Variants in FYN observed in about 807,000 individuals in gnomAD.
FYN encodes the protein FYN proto-oncogene, Src family tyrosine kinase, also known as tyrosine-protein kinase Fyn.
Under a neutral mutation model 70.2 loss-of-function variants are expected in FYN, and 10 were observed. The observed-to-expected ratio is 0.14, with a 90% confidence interval of 0.09 to 0.24. FYN has a LOEUF of 0.24. Ranked by LOEUF, FYN falls within the 10% of genes least tolerant of loss-of-function variation. The pLI is 1.00. For missense variants in FYN, 319 were observed against 673.1 expected, an observed-to-expected ratio of 0.47 and a Z score of 5.82; for synonymous variants, 236 against 248.6, an observed-to-expected ratio of 0.95 and a Z score of 0.48.
intron 13 of FYN, among the ~76,000 whole-genome samples, chr6:111,664,139 T>G (rs1024983443): frequency 6.6e-6 from 1 of 152,180 alleles, no homozygotes; most frequent in Non-Finnish European, 1.5e-5. Flanking sequence ...ACTGGCACTC[T>G]CCAAAGCATT....
chr6:111,856,849 G>T (rs1279304385), intron 1 of FYN, among the ~76,000 whole-genome samples: 1 of 151,972 alleles, frequency 6.6e-6, no homozygotes, highest in African/African-American at 2.4e-5. Context: ...ATCCAAACAG[G>T]CAACTCCGCA....
chr6:111,864,995 T>A (rs558602279), intron 1 of FYN, among the ~76,000 whole-genome samples: 1 of 152,198 alleles, frequency 6.6e-6, no homozygotes. Context: ...CTATTATTTC[T>A]ATGGTGTATT....
At position 111,860,686 on chromosome 6, in the gene FYN, C is replaced by T. The variant is rs575395147; in HGVS notation, c.-123+12282G>A. 2.0e-5 allele frequency among the ~76,000 whole-genome samples: 3 copies of T among 152,298 alleles called. No homozygotes were observed. The South Asian group carries it at 6.2e-4, about 32-fold the overall frequency. On this transcript the variant is annotated intron_variant, in intron 1 of 13. Coordinates refer to ENST00000354650, the MANE Select transcript of FYN (RefSeq NM_002037.5). ...CAAATAAATTAACCAGAACCTGTCC[C>T]TTTCCCAGGAGCTGCTGGCACCCAT...
At chr6:111,852,209 C>T (rs1042724768) in intron 1 of FYN, among the ~76,000 whole-genome samples, 22 of 152,298 alleles carry the variant, frequency 1.4e-4, no homozygotes, top group Admixed American at 8.5e-4. Context: ...CAGGGTAACA[C>T]GTTCCCTTAT....
intron 3 of FYN, 64 bp from the exon 4 acceptor site, chr6:111,720,126 A>G (rs1800862012): frequency 2.6e-6 from 4 of 1,518,270 alleles, no homozygotes; most frequent in Admixed American, 2.1e-5. Flanking sequence ...GTTGCTCTAC[A>G]GTAAACGAGG....
intron 13 of FYN, among the ~76,000 whole-genome samples, chr6:111,669,909 TCATGGAGGCAAGCAGAAGGAGCACCC>T (rs1798192213): frequency 6.6e-6 from 1 of 151,688 alleles, no homozygotes; most frequent in Non-Finnish European, 1.5e-5. Context: ...ATGCTAGGTG[TCATGGAGGCAAGCAGAAGGAGCACCC>T]CATTTGGTCT....
intron 3 of FYN, among the ~76,000 whole-genome samples, chr6:111,720,340 G>A (rs181717022): frequency 1.1e-3 from 175 of 152,204 alleles, no homozygotes; most frequent in Non-Finnish European, 1.9e-3. Context: ...CCTGTATCTC[G>A]TAAAATTCTG....
chr6:111,705,473 C>T (rs999731117), intron 6 of FYN, among the ~76,000 whole-genome samples: 2 of 151,500 alleles, frequency 1.3e-5, no homozygotes, highest in African/African-American at 4.9e-5. Flanking sequence ...GCAGCCTTGA[C>T]CTCTCCAGGC....
At chr6:111,684,074 A>G (rs1446451265) in intron 12 of FYN, among the ~76,000 whole-genome samples, 1 of 152,178 alleles carries the variant, frequency 6.6e-6, no homozygotes, top group African/African-American at 2.4e-5. Context: ...TTTGAAAAGT[A>G]TATGTTACAA....
At chr6:111,764,702 T>C (rs1381153107) in intron 3 of FYN, among the ~76,000 whole-genome samples, 1 of 152,148 alleles carries the variant, frequency 6.6e-6, no homozygotes, top group African/African-American at 2.4e-5. Flanking sequence ...ACTTATCAAC[T>C]GTCTTAACTC....
intron 2 of FYN, among the ~76,000 whole-genome samples, chr6:111,830,915 G>A (rs1421103750): frequency 6.6e-6 from 1 of 152,100 alleles, no homozygotes; most frequent in Non-Finnish European, 1.5e-5. Flanking sequence ...TGTAGACATT[G>A]TAGACACTGT....
chr6:111,824,185 G>T (rs1239709767), intron 2 of FYN, among the ~76,000 whole-genome samples: 1 of 152,198 alleles, frequency 6.6e-6, no homozygotes, highest in African/African-American at 2.4e-5. Context: ...TGCAAGATGT[G>T]AAGAATGCAT....
intron 2 of FYN, among the ~76,000 whole-genome samples, chr6:111,801,242 G>C (rs1464422782): frequency 6.6e-6 from 1 of 152,230 alleles, no homozygotes; most frequent in Non-Finnish European, 1.5e-5. Context: ...TTCTGGCTCA[G>C]TGGTCACTTC....
intron 1 of FYN, among the ~76,000 whole-genome samples, chr6:111,859,568 T>C (rs1326680763): frequency 6.6e-6 from 1 of 152,232 alleles, no homozygotes; most frequent in Non-Finnish European, 1.5e-5. Flanking sequence ...TGAACTTCTT[T>C]CTTCTTACAT....
chr6:111,677,990 G>A (rs1002363588), intron 12 of FYN, among the ~76,000 whole-genome samples: 2 of 152,042 alleles, frequency 1.3e-5, no homozygotes, highest in African/African-American at 4.8e-5. Context: ...AACACTTACT[G>A]TACTTGTTCC....
chr6:111,693,107 G>A (rs762527420), intron 12 of FYN, among the ~76,000 whole-genome samples: 1 of 152,202 alleles, frequency 6.6e-6, no homozygotes, highest in Non-Finnish European at 1.5e-5. Context: ...AGCAGCCAGG[G>A]TCTTAGTTTA....
intron 8 of FYN, chr6:111,702,476 C>T (rs1799884225): frequency 6.4e-6 from 1 of 156,856 alleles, no homozygotes; most frequent in South Asian, 2.1e-4. Flanking sequence ...GCTATTCCTG[C>T]AACAGTGCTG....
intron 3 of FYN, among the ~76,000 whole-genome samples, chr6:111,771,649 C>T (rs1562514397): frequency 6.6e-6 from 1 of 152,194 alleles, no homozygotes; most frequent in Non-Finnish European, 1.5e-5. Context: ...CTTGGCCTAC[C>T]CAAGGCTGCC....
At chr6:111,778,038 G>A (rs1324176343) in intron 3 of FYN, among the ~76,000 whole-genome samples, 1 of 152,214 alleles carries the variant, frequency 6.6e-6, no homozygotes, top group African/African-American at 2.4e-5. Flanking sequence ...AGAGGATTGG[G>A]TGTCTATTAA....
Sources: allele counts gnomAD v4.1 joint callset (sites outside exome capture counted in the v4.1 genomes callset), GRCh38; gene constraint gnomAD v4.1.1; transcripts MANE v1.5; gene names NCBI Gene and HGNC (gene_info 2026-07-23, HGNC 2026-07-21).